COL28A1: variants seen among roughly 807,000 people sequenced by gnomAD.
COL28A1 encodes the protein collagen type XXVIII alpha 1 chain.
In COL28A1, 161 loss-of-function variants were observed where a neutral mutation model predicts 150.2. The ratio of observed to expected loss-of-function variants is 1.07; its 90% CI spans 0.94 to 1.22. COL28A1 has a LOEUF of 1.22. COL28A1 is among the 50% of genes most tolerant of loss of function. COL28A1 has a pLI of 0.00. For synonymous variants in COL28A1, 552 were observed against 469.7 expected, an observed-to-expected ratio of 1.18 and a Z score of -2.26; for missense variants, 1,617 against 1,388.3, an observed-to-expected ratio of 1.16 and a Z score of -2.62.
At position 7,477,194 on chromosome 7, in the gene COL28A1, G is replaced by A. The variant is rs775060670; in HGVS notation, c.1165-14C>T. The A allele has an allele frequency of 6.0e-6, 6 of 1,003,236 alleles. No individual in the cohort carries two copies. Among genetic ancestry groups the A allele is most frequent in the Admixed American group, 3.4e-5 (2 of 59,226 alleles). 62.1% of individuals were successfully genotyped at this position (1,003,236 alleles called of 1,614,324 possible). ...ACCACGGGGACCCTGGTTAGGATAG[G>A]AGAAAATGAGGAGCAGGAGGAGAGA... On this transcript the variant is annotated splice_polypyrimidine_tract_variant and intron_variant, in intron 13 of 34. Transcript: ENST00000399429.
At chr7:7,507,607 C>A (rs978249505) in intron 9 of COL28A1, among the ~76,000 whole-genome samples, 2 of 152,170 alleles carry the variant, frequency 1.3e-5, no homozygotes, top group Admixed American at 6.5e-5. Flanking sequence ...ATATTCAATA[C>A]TCTTCTAATA....
At chr7:7,402,580 G>T (rs112685681) in intron 27 of COL28A1, among the ~76,000 whole-genome samples, 1 of 152,156 alleles carries the variant, frequency 6.6e-6, no homozygotes, top group Admixed American at 6.5e-5. Context: ...AGATGAAAAC[G>T]TTGACACCAG....
At chr7:7,381,498 T>C in intron 28 of COL28A1, 46 bp downstream of exon 28, 2 of 1,383,072 alleles carry the variant, frequency 1.4e-6, no homozygotes, top group Non-Finnish European at 2.1e-6. Flanking sequence ...GTTAAGCTAT[T>C]GCGATCCTAA....
downstream of COL28A1, among the ~76,000 whole-genome samples, chr7:7,355,366 T>C (rs1043206671): frequency 1.3e-5 from 2 of 151,890 alleles, no homozygotes; most frequent in Non-Finnish European, 2.9e-5. Context: ...CCCAAACACT[T>C]TGGGAGGCTG....
At chr7:7,445,205 G>A (rs1245707853) in intron 18 of COL28A1, among the ~76,000 whole-genome samples, 1 of 152,172 alleles carries the variant, frequency 6.6e-6, no homozygotes, top group African/African-American at 2.4e-5. Flanking sequence ...GTTATTTAAA[G>A]CAATGAGAGA....
intron 13 of COL28A1, among the ~76,000 whole-genome samples, chr7:7,486,973 T>G (rs887477369): frequency 4.6e-5 from 7 of 152,174 alleles, no homozygotes; most frequent in Admixed American, 4.6e-4. Context: ...TTGATAAACG[T>G]TTCTTCCTCT....
chr7:7,543,293 G>A, the COL28A1 span, among the ~76,000 whole-genome samples: 1 of 152,174 alleles, frequency 6.6e-6, no homozygotes, highest in African/African-American at 2.4e-5. Flanking sequence ...AAAGAAAAAG[G>A]TGCATGTGCA....
At chr7:7,414,745 G>A (rs922486501) in intron 27 of COL28A1, among the ~76,000 whole-genome samples, 1 of 152,198 alleles carries the variant, frequency 6.6e-6, no homozygotes, top group African/African-American at 2.4e-5. Flanking sequence ...TAGCCAGAGT[G>A]AGTCTCTTCC....
chr7:7,446,059 T>G (rs1408105104), intron 18 of COL28A1, among the ~76,000 whole-genome samples: 2 of 152,056 alleles, frequency 1.3e-5, no homozygotes, highest in Admixed American at 1.3e-4. Context: ...GCTTTCTCCA[T>G]GTTGGTCAGG....
In COL28A1 at chr7:7,447,560, A is replaced by C. The variant is rs773953757; in HGVS notation, c.1510-3071T>G. Among the ~76,000 whole-genome samples the C allele has an allele frequency of 1.2e-4, 18 of 152,130 alleles. 1 individual carries two copies. The highest frequency in any genetic ancestry group is 2.1e-4 in the Non-Finnish European group (14 of 68,018). ...ACACCAGTAGTAGAATTAGGAGGTA[A>C]GAACATTAAAACAGTTATTATGACT... On this transcript the variant is annotated intron_variant, in intron 18 of 34. Coordinates refer to ENST00000399429, the MANE Select transcript of COL28A1 (RefSeq NM_001037763.3).
chr7:7,353,361 T>C (rs145260232), downstream of COL28A1, among the ~76,000 whole-genome samples: 1 of 152,338 alleles, frequency 6.6e-6, no homozygotes, highest in East Asian at 1.9e-4. Flanking sequence ...TCAACTTGTC[T>C]TGTGTAAAAT....
At chr7:7,390,380 T>C (rs1027097496) in intron 27 of COL28A1, among the ~76,000 whole-genome samples, 3 of 152,230 alleles carry the variant, frequency 2.0e-5, no homozygotes, top group Admixed American at 6.5e-5. Flanking sequence ...GATGTGCTGC[T>C]GGATTCAGTT....
intron 8 of COL28A1, among the ~76,000 whole-genome samples, chr7:7,514,098 A>G (rs916588661): frequency 2.0e-5 from 3 of 152,190 alleles, no homozygotes; most frequent in Non-Finnish European, 4.4e-5. Flanking sequence ...CCAGAAAGTG[A>G]AATTAATCTT....
chr7:7,429,278 G>T (rs941725601), intron 25 of COL28A1, among the ~76,000 whole-genome samples: 1 of 152,034 alleles, frequency 6.6e-6, no homozygotes, highest in Non-Finnish European at 1.5e-5. Context: ...CACACATTTG[G>T]GTCCTGTGCT....
chr7:7,508,566 A>C (rs1477729138), intron 9 of COL28A1, among the ~76,000 whole-genome samples: 1 of 152,210 alleles, frequency 6.6e-6, no homozygotes, highest in Non-Finnish European at 1.5e-5. Context: ...AGTATGAGAG[A>C]GTGTATCTTC....
intron 3 of COL28A1, among the ~76,000 whole-genome samples, chr7:7,526,757 T>A (rs2115232091): frequency 6.6e-6 from 1 of 152,220 alleles, no homozygotes; most frequent in Middle Eastern, 3.4e-3. Context: ...TGCCTCAGCC[T>A]CTGAAATAGC....
chr7:7,419,982 C>T, intron 25 of COL28A1, 29 bp from the exon 26 acceptor site: 1 of 1,491,454 alleles, frequency 6.7e-7, no homozygotes. Context: ...TAACAAGTTA[C>T]TAATTTTTTA....
At chr7:7,401,064 C>G (rs1783174029) in intron 27 of COL28A1, among the ~76,000 whole-genome samples, 1 of 145,836 alleles carries the variant, frequency 6.9e-6, no homozygotes, top group Admixed American at 7.0e-5. Context: ...TCCAGGTTGT[C>G]AAATCTAATG....
rs561943992 is a variant in COL28A1, at chr7:7,465,567, A to C, written c.1302+9034T>G. On this transcript the variant is annotated intron_variant, in intron 15 of 34. Coordinates refer to ENST00000399429, the MANE Select transcript of COL28A1 (RefSeq NM_001037763.3). ...TTGCCCAGGCTTGCTTAGGTAAACA[A>C]AGCAGCCGAGAAGCTCGAACTGGGT... 1.3e-3 allele frequency among the ~76,000 whole-genome samples: 186 copies of C among 138,090 alleles called. 9 individuals carry two copies. Among genetic ancestry groups the C allele is most frequent in the Middle Eastern group, 4.0e-3 (1 of 248 alleles). 90.6% of individuals were successfully genotyped at this position (138,090 alleles called of 152,430 possible).
Sources: gnomAD v4.1 joint callset for allele counts (sites outside exome capture counted in the v4.1 genomes callset) on GRCh38, gnomAD v4.1.1 for gene constraint, MANE v1.5 for transcripts, NCBI Gene and HGNC (gene_info 2026-07-23, HGNC 2026-07-21) for gene names.